The following GULP1 variants were observed in gnomAD, a reference collection of about 807,000 sequenced individuals.
GULP1 encodes GULP PTB domain containing engulfment adaptor 1.
Under a neutral mutation model 40.9 loss-of-function variants are expected in GULP1, and 19 were observed. That is an observed-to-expected ratio of 0.46 (90% confidence interval 0.32 to 0.68). The LOEUF (loss-of-function observed/expected upper bound fraction) is 0.68. Among genes scored for constraint, GULP1 ranks in the 30% least tolerant of loss-of-function variants. The pLI is 0.03. For missense variants in GULP1, 312 were observed against 362.2 expected (o/e 0.86, Z 1.12); for synonymous variants, 119 against 117.6 (o/e 1.01, Z -0.08).
chr2:188,295,284 G>T (rs1181464793), intron 1 of GULP1, among the ~76,000 whole-genome samples: 1 of 152,108 alleles, frequency 6.6e-6, no homozygotes, highest in Non-Finnish European at 1.5e-5. Context: ...TAAGAATTTG[G>T]AGGATAGATT....
chr2:188,359,924 T>A (rs1289812230), intron 1 of GULP1, among the ~76,000 whole-genome samples: 1 of 152,112 alleles, frequency 6.6e-6, no homozygotes, highest in Admixed American at 6.6e-5. Context: ...AAAGAATCAG[T>A]GAGTAAATGA....
At chr2:188,530,677 G>A (rs950787077) in intron 6 of GULP1, among the ~76,000 whole-genome samples, 1 of 152,056 alleles carries the variant, frequency 6.6e-6, no homozygotes, top group African/African-American at 2.4e-5. Flanking sequence ...CAAACCTACC[G>A]ACACCTTGAT....
At chr2:188,483,113 A>G (rs1487588888) in intron 3 of GULP1, among the ~76,000 whole-genome samples, 3 of 152,074 alleles carry the variant, frequency 2.0e-5, no homozygotes, top group Non-Finnish European at 2.9e-5. Flanking sequence ...GAAGAAAGAT[A>G]CTTGTTTTAA....
chr2:188,574,093 G>A (rs1396691096), intron 9 of GULP1, among the ~76,000 whole-genome samples: 1 of 151,956 alleles, frequency 6.6e-6, no homozygotes, highest in African/African-American at 2.4e-5. Context: ...ACACAATATA[G>A]TTCACACTAA....
At chr2:188,313,159 A>G (rs1352781635) in intron 1 of GULP1, among the ~76,000 whole-genome samples, 1 of 152,066 alleles carries the variant, frequency 6.6e-6, no homozygotes, top group Non-Finnish European at 1.5e-5. Context: ...TTTTGTTGCA[A>G]TTGCTTTTGA....
At chr2:188,487,327 T>C (rs1184295057) in intron 4 of GULP1, among the ~76,000 whole-genome samples, 1 of 152,022 alleles carries the variant, frequency 6.6e-6, no homozygotes, top group Non-Finnish European at 1.5e-5. Context: ...ATCTTTAAGA[T>C]ATACAAAAAT....
chr2:188,514,055 G>GTGTA (rs923429799), intron 4 of GULP1, among the ~76,000 whole-genome samples: 1 of 147,164 alleles, frequency 6.8e-6, no homozygotes, highest in Non-Finnish European at 1.5e-5. Flanking sequence ...GTGTGTGTGT[G>GTGTA]TGTGTGTGTG....
chr2:188,588,219 T>C lies in GULP1; in HGVS notation c.843+270T>C, dbSNP rs1198900106. 6 of 406,788 alleles carry C rather than the reference T, an allele frequency of 1.5e-5. No individual in the cohort carries two copies. In the East Asian group the frequency reaches 3.2e-4, roughly 22 times the overall value. 25.2% of individuals were successfully genotyped at this position (406,788 alleles called of 1,614,324 possible). A position where few individuals can be genotyped will look rare whatever the true frequency, so the allele number is the denominator to read the frequency against. On this transcript the variant is annotated intron_variant, in intron 11 of 11. Transcript: ENST00000409830. ...AAATACAAAATGGCATGGATTCTAA[T>C]GGTTCATTGTTCTGAAATCTAGAGT...
At chr2:188,484,779 G>A (rs1000444935) in intron 4 of GULP1, among the ~76,000 whole-genome samples, 17 of 152,146 alleles carry the variant, frequency 1.1e-4, no homozygotes, top group East Asian at 5.8e-4. Flanking sequence ...GTTCAGCAGC[G>A]AAATTTGGAG....
At chr2:188,577,974 T>C (rs1430813336) in intron 9 of GULP1, among the ~76,000 whole-genome samples, 1 of 152,008 alleles carries the variant, frequency 6.6e-6, no homozygotes, top group African/African-American at 2.4e-5. Flanking sequence ...AAAAATTGAT[T>C]TAATATATAA....
chr2:188,389,527 G>A lies in GULP1; in HGVS notation c.-45+5638G>A, dbSNP rs73038498. On this transcript the variant is annotated intron_variant, in intron 2 of 11. Transcript: ENST00000409830. ...AAAAGCTGAGATAAATGTATTATGA[G>A]TCTTAGTGTAATGGATAGGAAAAGT... Among the ~76,000 whole-genome samples, 404 of 152,196 alleles carry A rather than the reference G, an allele frequency of 2.7e-3. 2 individuals are homozygous for A. The highest frequency in any genetic ancestry group is 9.1e-3 in the African/African-American group (379 of 41,524).
chr2:188,523,052 A>G, intron 5 of GULP1: 1 of 387,060 alleles, frequency 2.6e-6, no homozygotes, highest in Non-Finnish European at 4.8e-6. Flanking sequence ...TTTCTAAGGT[A>G]TAATGTGTCA....
chr2:188,525,301 G>C (rs960939806), intron 5 of GULP1, among the ~76,000 whole-genome samples: 6 of 152,056 alleles, frequency 3.9e-5, no homozygotes, highest in African/African-American at 1.4e-4. Context: ...TGAGGCAGGA[G>C]AATCACTTGA....
At chr2:188,372,933 C>A (rs2047795089) in intron 1 of GULP1, among the ~76,000 whole-genome samples, 1 of 151,918 alleles carries the variant, frequency 6.6e-6, no homozygotes, top group South Asian at 2.1e-4. Context: ...AGAAAAAATT[C>A]CCTTCTGCGT....
intron 2 of GULP1, among the ~76,000 whole-genome samples, chr2:188,414,720 A>G (rs948728691): frequency 6.6e-6 from 1 of 152,218 alleles, no homozygotes; most frequent in Non-Finnish European, 1.5e-5. Flanking sequence ...TTATGAAAAC[A>G]TTTTGTGACA....
chr2:188,396,224 A>G (rs558803060), intron 2 of GULP1, among the ~76,000 whole-genome samples: 90 of 152,318 alleles, frequency 5.9e-4, no homozygotes, highest in African/African-American at 2.1e-3. Context: ...GGGGTCATAG[A>G]ACTGCCAAAA....
intron 7 of GULP1, among the ~76,000 whole-genome samples, chr2:188,546,675 TAAAC>T (rs1692048805): frequency 6.6e-6 from 1 of 151,876 alleles, no homozygotes; most frequent in South Asian, 2.1e-4. Context: ...AATATCAAAA[TAAAC>T]CTCAAAGTAA....
At chr2:188,411,533 G>C (rs1258614316) in intron 2 of GULP1, among the ~76,000 whole-genome samples, 2 of 152,072 alleles carry the variant, frequency 1.3e-5, no homozygotes, top group Non-Finnish European at 2.9e-5. Context: ...CCACAGAAAG[G>C]GTCATCCTAC....
chr2:188,337,337 A>G (rs535235980), intron 1 of GULP1, among the ~76,000 whole-genome samples: 1 of 151,396 alleles, frequency 6.6e-6, no homozygotes, highest in Non-Finnish European at 1.5e-5. Flanking sequence ...TGGGGGTTTC[A>G]TCATGTTGAC....
Sources: gnomAD v4.1 joint callset for allele counts (sites outside exome capture counted in the v4.1 genomes callset) on GRCh38, gnomAD v4.1.1 for gene constraint, MANE v1.5 for transcripts, NCBI Gene and HGNC (gene_info 2026-07-23, HGNC 2026-07-21) for gene names.